Variants in CHST8 observed in about 807,000 individuals in gnomAD.
The protein encoded by CHST8 is carbohydrate sulfotransferase 8.
CHST8 carries 10 observed loss-of-function variants against 15.0 expected under a neutral mutation model. The observed-to-expected ratio is 0.67, with a 90% CI of 0.41 to 1.13. CHST8 has a LOEUF of 1.13. Ranked by LOEUF, CHST8 falls within the 50% of genes most tolerant of loss-of-function variation. The probability of loss-of-function intolerance (pLI) is 0.00; values close to 1 mark genes in which losing one functional copy is unlikely to be tolerated. For missense variants in CHST8, 634 were observed against 608.2 expected, an observed-to-expected ratio of 1.04 and a Z score of -0.45; for synonymous variants, 259 against 256.6, an observed-to-expected ratio of 1.01 and a Z score of -0.09.
chr19:33,703,741 G>T (rs538518261), intron 3 of CHST8, among the ~76,000 whole-genome samples: 3 of 152,314 alleles, frequency 2.0e-5, no homozygotes, highest in Admixed American at 6.5e-5. Flanking sequence ...AGCCAAAAAA[G>T]CTTCACCATT....
At chr19:33,730,202 A>G (rs763418897) in intron 3 of CHST8, among the ~76,000 whole-genome samples, 4 of 152,190 alleles carry the variant, frequency 2.6e-5, no homozygotes, top group Non-Finnish European at 2.9e-5. Context: ...CCCGGCGTGC[A>G]ATTCTTGCCA....
chr19:33,643,985 T>G (rs1261860915), intron 1 of CHST8, among the ~76,000 whole-genome samples: 1 of 152,164 alleles, frequency 6.6e-6, no homozygotes, highest in Admixed American at 6.5e-5. Flanking sequence ...CAGGCTGGAG[T>G]GCAGTGGCTC....
chr19:33,631,105 C>T (rs961507699), intron 1 of CHST8, among the ~76,000 whole-genome samples: 1 of 152,194 alleles, frequency 6.6e-6, no homozygotes, highest in Non-Finnish European at 1.5e-5. Flanking sequence ...TGCAAAAAGC[C>T]GGCGCTGTCT....
At chr19:33,676,273 T>C (rs1972808074) in intron 2 of CHST8, among the ~76,000 whole-genome samples, 1 of 152,160 alleles carries the variant, frequency 6.6e-6, no homozygotes, top group Non-Finnish European at 1.5e-5. Context: ...ATGTGTCATT[T>C]AAAAAATAAT....
At chr19:33,664,847 A>C (rs576597070) in intron 1 of CHST8, among the ~76,000 whole-genome samples, 21 of 152,200 alleles carry the variant, frequency 1.4e-4, no homozygotes, top group African/African-American at 5.1e-4. Context: ...GAACATAATG[A>C]TATTTATCTT....
intron 3 of CHST8, among the ~76,000 whole-genome samples, chr19:33,718,279 C>T (rs989080542): frequency 9.8e-6 from 1 of 102,170 alleles, no homozygotes; most frequent in African/African-American, 3.2e-5. Context: ...ACTACAGTGG[C>T]CCAATCATAG....
At chr19:33,708,337 GT>G (rs1421893452) in intron 3 of CHST8, among the ~76,000 whole-genome samples, 1 of 152,078 alleles carries the variant, frequency 6.6e-6, no homozygotes, top group Non-Finnish European at 1.5e-5. Flanking sequence ...TTTCTCTTAT[GT>G]TTTCTTCTAA....
At chr19:33,716,650 G>A (rs157727) in intron 3 of CHST8, among the ~76,000 whole-genome samples, 83,361 of 152,026 alleles carry the variant, frequency 0.55, 23,343 homozygotes, top group East Asian at 0.87. Flanking sequence ...TTACAGATGT[G>A]AGCCACCACA....
chr19:33,629,352 G>A (rs149847058), intron 1 of CHST8, among the ~76,000 whole-genome samples: 174 of 152,314 alleles, frequency 1.1e-3, no homozygotes, highest in African/African-American at 4.0e-3. Flanking sequence ...GCCCCAGAAA[G>A]AATCCTCTCT....
chr19:33,710,140 A>G (rs1973520369), intron 3 of CHST8, among the ~76,000 whole-genome samples: 2 of 152,194 alleles, frequency 1.3e-5, no homozygotes, highest in Admixed American at 6.5e-5. Flanking sequence ...TTTGTTTAGC[A>G]TAACAGTGTT....
chr19:33,718,015 T>G (rs1200109416), intron 3 of CHST8, among the ~76,000 whole-genome samples: 1 of 152,130 alleles, frequency 6.6e-6, no homozygotes, highest in African/African-American at 2.4e-5. Context: ...AGACCCCCAG[T>G]GTGTACAGGA....
At chr19:33,664,394 C>T (rs1293803946) in intron 1 of CHST8, among the ~76,000 whole-genome samples, 1 of 150,026 alleles carries the variant, frequency 6.7e-6, no homozygotes, top group South Asian at 2.1e-4. Context: ...ACTAACTCGT[C>T]ATCTAGCATT....
At chr19:33,755,515 A>G (rs1003522771) in intron 3 of CHST8, among the ~76,000 whole-genome samples, 8 of 152,242 alleles carry the variant, frequency 5.3e-5, no homozygotes, top group South Asian at 2.1e-4. Flanking sequence ...CATTCTAGAA[A>G]GAACGGCCCT....
intron 1 of CHST8, among the ~76,000 whole-genome samples, chr19:33,657,270 CTTT>C (rs60317430): frequency 1.4e-5 from 2 of 140,436 alleles, no homozygotes; most frequent in Non-Finnish European, 1.6e-5. Flanking sequence ...CACACACACA[CTTT>C]TTTTTTTTTT....
chr19:33,757,567 A>G (rs1974622429), intron 3 of CHST8, among the ~76,000 whole-genome samples: 1 of 141,286 alleles, frequency 7.1e-6, no homozygotes, highest in Non-Finnish European at 1.6e-5. Context: ...AAAGAAAGAA[A>G]GAAAGAAAGA....
At chr19:33,704,684 C>T (rs867365058) in intron 3 of CHST8, among the ~76,000 whole-genome samples, 4 of 152,076 alleles carry the variant, frequency 2.6e-5, no homozygotes, top group Admixed American at 6.6e-5. Flanking sequence ...CCGAAGCAGG[C>T]GGATCACTTG....
intron 2 of CHST8, among the ~76,000 whole-genome samples, chr19:33,688,332 A>T (rs1167030048): frequency 6.6e-6 from 1 of 152,172 alleles, no homozygotes; most frequent in Non-Finnish European, 1.5e-5. Context: ...AAGCGGGGTA[A>T]GGGGTGAGTC....
chr19:33,720,413 T>TACCACACACATGC (rs1459387286), intron 3 of CHST8, among the ~76,000 whole-genome samples: 1 of 148,574 alleles, frequency 6.7e-6, no homozygotes, highest in South Asian at 2.2e-4. Flanking sequence ...CGCACACATG[T>TACCACACACATGC]ACCACACACA....
At chr19:33,661,882 A>T (rs1244519465) in intron 1 of CHST8, among the ~76,000 whole-genome samples, 2 of 150,890 alleles carry the variant, frequency 1.3e-5, no homozygotes, top group Non-Finnish European at 3.0e-5. Flanking sequence ...AAAAAAAAAA[A>T]AAAAATAGGC....
Sources: gnomAD v4.1 joint callset for allele counts (sites outside exome capture counted in the v4.1 genomes callset) on GRCh38, gnomAD v4.1.1 for gene constraint, MANE v1.5 for transcripts, NCBI Gene and HGNC (gene_info 2026-07-23, HGNC 2026-07-21) for gene names.